Variants in ADAM22 observed in about 807,000 individuals in gnomAD.
ADAM22 encodes the protein disintegrin and metalloproteinase domain-containing protein 22.
In ADAM22, 65 loss-of-function variants were observed where a neutral mutation model predicts 144.6. That is an observed-to-expected ratio of 0.45 (90% CI 0.37 to 0.55). The LOEUF is 0.55. Among genes scored for constraint, ADAM22 ranks in the 20% least tolerant of loss-of-function variants. ADAM22 has a pLI of 0.00. For missense variants in ADAM22, 974 were observed against 1,184.9 expected, an observed-to-expected ratio of 0.82 and a Z score of 2.61; for synonymous variants, 391 against 412.6, an observed-to-expected ratio of 0.95 and a Z score of 0.63.
chr7:88,104,177 C>T (rs1823738174), intron 4 of ADAM22, among the ~76,000 whole-genome samples: 1 of 151,944 alleles, frequency 6.6e-6, no homozygotes, highest in South Asian at 2.1e-4. Flanking sequence ...AATAGTATGC[C>T]ATCATTGGAA....
rs1842171696 is a variant in ADAM22 at position 88,163,237 on chromosome 7, G to C, written c.2076+57G>C. The C allele has an allele frequency of 3.6e-6, 5 of 1,372,714 alleles. No individual in the cohort carries two copies. The South Asian group carries it at 8.2e-5, about 23-fold the overall frequency. The allele number at this position is 1,372,714 out of a possible 1,614,324, so 85.0% of individuals were successfully genotyped here. A position where few individuals can be genotyped will look rare whatever the true frequency, so the allele number is the denominator to read the frequency against. On this transcript the variant is annotated intron_variant, in intron 23 of 31. Coordinates refer to ENST00000413139, the MANE Select transcript of ADAM22 (RefSeq NM_001324418.2). The stretch of plus-strand genomic sequence containing the variant: ...TCTTTTATATCACAGAAATAGACAG[G>C]ACCCTAAACTATTTATTTTTCTTAA...
At chr7:87,936,855 A>ATT (rs1841351363) in intron 2 of ADAM22, among the ~76,000 whole-genome samples, 4 of 144,462 alleles carry the variant, frequency 2.8e-5, no homozygotes, top group African/African-American at 5.0e-5. Context: ...GTGTATATAT[A>ATT]TTATATATAT....
intron 4 of ADAM22, among the ~76,000 whole-genome samples, chr7:88,093,625 C>A (rs1019696867): frequency 3.3e-5 from 5 of 152,100 alleles, no homozygotes; most frequent in African/African-American, 1.2e-4. Context: ...TGGCTCGCTG[C>A]AGACTCAGAG....
At chr7:87,936,661 T>C (rs776927118) in intron 2 of ADAM22, among the ~76,000 whole-genome samples, 17 of 152,108 alleles carry the variant, frequency 1.1e-4, no homozygotes, top group Non-Finnish European at 2.2e-4. Context: ...ATTTCATTCA[T>C]AAAAATTATA....
intron 3 of ADAM22, among the ~76,000 whole-genome samples, chr7:88,037,166 A>C (rs528474637): frequency 6.6e-6 from 1 of 152,260 alleles, no homozygotes; most frequent in African/African-American, 2.4e-5. Context: ...TTCTTTGAGA[A>C]AAATTCTAAG....
chr7:88,075,601 T>A (rs750751273), intron 3 of ADAM22, 25 bp from the exon 4 acceptor site: 1 of 1,605,678 alleles, frequency 6.2e-7, no homozygotes, highest in Non-Finnish European at 8.5e-7. Context: ...TCCTCTTTAG[T>A]CATCATTTAT....
chr7:88,101,124 C>G (rs1402616865), intron 4 of ADAM22, among the ~76,000 whole-genome samples: 2 of 151,708 alleles, frequency 1.3e-5, no homozygotes, highest in Non-Finnish European at 2.9e-5. Flanking sequence ...TTAAAATACC[C>G]AGGTCCCACC....
At chr7:87,965,918 G>A (rs1213730923) in intron 2 of ADAM22, among the ~76,000 whole-genome samples, 2 of 152,216 alleles carry the variant, frequency 1.3e-5, no homozygotes, top group Non-Finnish European at 2.9e-5. Flanking sequence ...TGAGAGTGTA[G>A]TGGCTTGACA....
chr7:87,965,163 G>T (rs1357122462), intron 2 of ADAM22, among the ~76,000 whole-genome samples: 2 of 152,144 alleles, frequency 1.3e-5, no homozygotes. Context: ...CTCTTGTTTG[G>T]TGTCCCAATA....
At chr7:88,170,207 TC>T (rs1405822214) in intron 25 of ADAM22, among the ~76,000 whole-genome samples, 1 of 152,092 alleles carries the variant, frequency 6.6e-6, no homozygotes, top group Admixed American at 6.6e-5. Flanking sequence ...TACAGTATCT[TC>T]TTTATAAATA....
intron 8 of ADAM22, 51 bp from the exon 9 acceptor site, chr7:88,128,551 A>C: frequency 6.8e-7 from 1 of 1,471,886 alleles, no homozygotes; most frequent in African/African-American, 1.4e-5. Context: ...AGCTTTTCGC[A>C]GCCAAGTTTA....
At chr7:88,186,428 G>A (rs1848327387) in intron 29 of ADAM22, 187 bp from the exon 30 acceptor site, 2 of 605,332 alleles carry the variant, frequency 3.3e-6, no homozygotes, top group Non-Finnish European at 2.9e-6. Context: ...ATTGAGCCTT[G>A]TTGTAGCTGA....
chr7:88,083,777 C>G (rs969045138), intron 4 of ADAM22, among the ~76,000 whole-genome samples: 1 of 152,040 alleles, frequency 6.6e-6, no homozygotes, highest in South Asian at 2.1e-4. Flanking sequence ...TTATGCCTGT[C>G]TCTCCAGAAA....
At chr7:88,051,557 G>C (rs548181553) in intron 3 of ADAM22, among the ~76,000 whole-genome samples, 64 of 152,146 alleles carry the variant, frequency 4.2e-4, no homozygotes, top group African/African-American at 1.3e-3. Flanking sequence ...GTTGTGGGGT[G>C]GGGGGAGGAG....
At chr7:88,178,291 C>G (rs549131430) in intron 26 of ADAM22, among the ~76,000 whole-genome samples, 12 of 152,178 alleles carry the variant, frequency 7.9e-5, no homozygotes, top group Non-Finnish European at 1.5e-4. Context: ...CCTTTTCTTG[C>G]TCTTGTTAAA....
chr7:88,060,891 G>A (rs1809650772), intron 3 of ADAM22, among the ~76,000 whole-genome samples: 1 of 152,068 alleles, frequency 6.6e-6, no homozygotes, highest in Admixed American at 6.5e-5. Flanking sequence ...ATCACTTGAG[G>A]TCAGGAATTC....
At chr7:87,958,258 A>G (rs938904449) in intron 2 of ADAM22, among the ~76,000 whole-genome samples, 5 of 152,212 alleles carry the variant, frequency 3.3e-5, no homozygotes, top group Non-Finnish European at 7.3e-5. Context: ...ATTTCCCTGT[A>G]TATTGCCAAA....
At chr7:88,009,077 G>A (rs894991593) in intron 3 of ADAM22, among the ~76,000 whole-genome samples, 3 of 151,988 alleles carry the variant, frequency 2.0e-5, no homozygotes, top group Non-Finnish European at 4.4e-5. Flanking sequence ...CAAATTTTGT[G>A]GATTTTAGTC....
intron 2 of ADAM22, among the ~76,000 whole-genome samples, chr7:87,951,953 G>A (rs1415656264): frequency 1.4e-5 from 2 of 145,658 alleles, no homozygotes; most frequent in Non-Finnish European, 3.0e-5. Context: ...GTCTGTTATT[G>A]GTATATAAGA....
Sources: allele counts gnomAD v4.1 joint callset (sites outside exome capture counted in the v4.1 genomes callset), GRCh38; gene constraint gnomAD v4.1.1; transcripts MANE v1.5; gene names NCBI Gene and HGNC (gene_info 2026-07-23, HGNC 2026-07-21).